DYNC2I1: variants seen among roughly 807,000 people sequenced by gnomAD.
DYNC2I1 encodes the protein cytoplasmic dynein 2 intermediate chain 1.
A neutral mutation model predicts 133.4 loss-of-function variants in DYNC2I1; 89 were observed. The observed-to-expected ratio is 0.67, with a 90% confidence interval of 0.56 to 0.80. The LOEUF is 0.80. Ranked by LOEUF, DYNC2I1 falls within the 30% of genes least tolerant of loss-of-function variation. The probability of loss-of-function intolerance (pLI) is 0.00; values close to 1 mark genes in which losing one functional copy is unlikely to be tolerated. For missense variants in DYNC2I1, 1,291 were observed against 1,314.5 expected, an observed-to-expected ratio of 0.98 and a Z score of 0.28; for synonymous variants, 504 against 484.3, an observed-to-expected ratio of 1.04 and a Z score of -0.54.
downstream of DYNC2I1, among the ~76,000 whole-genome samples, chr7:158,946,569 CCT>C (rs1225604405): frequency 6.6e-6 from 1 of 152,252 alleles, no homozygotes; most frequent in Admixed American, 6.5e-5. Context: ...GGGCCTTCAG[CCT>C]CTCTGCTGAC....
rs1841253992 is a variant in DYNC2I1 at position 158,856,626 on chromosome 7, G to C, written c.-110G>C. The C allele has an allele frequency of 1.8e-6, 2 of 1,140,396 alleles. No individual in the cohort carries two copies. The highest frequency in any genetic ancestry group is 2.2e-6 in the Non-Finnish European group (2 of 905,048). The allele number at this position is 1,140,396 out of a possible 1,614,324, so 70.6% of individuals were successfully genotyped here. A position where few individuals can be genotyped will look rare whatever the true frequency, so the allele number is the denominator to read the frequency against. On this transcript the variant is annotated 5_prime_UTR_variant, in exon 1 of 25. Transcript: ENST00000407559. The stretch of plus-strand genomic sequence containing the variant: ...TGCTGCTCCTGCTTGTCGGTTGCTA[G>C]GCGCTGGGACGCGCCTCCCGAAGGG...
intron 22 of DYNC2I1, 39 bp from the exon 23 acceptor site, chr7:158,934,379 A>G (rs1307807846): frequency 6.3e-7 from 1 of 1,594,692 alleles, no homozygotes; most frequent in Admixed American, 1.8e-5. Flanking sequence ...CTCGTGTGTA[A>G]TGCACTCGTT....
At chr7:158,926,375 C>T (rs376472148) in intron 18 of DYNC2I1, 27 bp from the exon 19 acceptor site, 2 of 1,607,066 alleles carry the variant, frequency 1.2e-6, no homozygotes, top group Non-Finnish European at 1.7e-6. Context: ...AAAGCCATTT[C>T]TTTCTTTTTG....
intron 14 of DYNC2I1, among the ~76,000 whole-genome samples, chr7:158,917,203 A>G (rs1585157288): frequency 7.0e-6 from 1 of 143,768 alleles, no homozygotes; most frequent in Non-Finnish European, 1.5e-5. Flanking sequence ...TGAAACGTCG[A>G]CACGCTGGTT....
chr7:158,881,748 C>T (rs1005999478), intron 5 of DYNC2I1, among the ~76,000 whole-genome samples: 2 of 152,258 alleles, frequency 1.3e-5, no homozygotes, highest in African/African-American at 2.4e-5. Context: ...CTACCGCGCC[C>T]GGCCATTTTT....
intron 4 of DYNC2I1, among the ~76,000 whole-genome samples, chr7:158,879,077 G>A (rs1323722426): frequency 6.6e-6 from 1 of 152,156 alleles, no homozygotes; most frequent in Non-Finnish European, 1.5e-5. Context: ...CATGTGGGGA[G>A]GCATTGCTTT....
At chr7:158,850,903 G>A in the DYNC2I1 span, among the ~76,000 whole-genome samples, 3 of 151,988 alleles carry the variant, frequency 2.0e-5, no homozygotes, top group Admixed American at 6.6e-5. Flanking sequence ...CTAACTTTAT[G>A]AGGAGCTGCT....
Position 158,911,128 on chromosome 7 carries a change from CCCAAAACACTTACTGGCTGCGTGGT to C in DYNC2I1, c.1461-419_1461-395del, listed in dbSNP as rs1847423000. On this transcript the variant is annotated intron_variant, in intron 11 of 24. Transcript: ENST00000407559. Reference sequence around the variant, plus strand: ...GGCTGTGGCCTGGAAAAGAGCGTGGCCCAAAACACTTACTGGCTGCGTGGTCCGACCATGGTGCAGGTGATTGCAT... The same window carrying C: ...GGCTGTGGCCTGGAAAAGAGCGTGGCCCGACCATGGTGCAGGTGATTGCAT... 2.0e-5 allele frequency among the ~76,000 whole-genome samples: 3 copies of C among 152,164 alleles called. No individual in the cohort carries two copies. The South Asian group carries it at 6.2e-4, about 31-fold the overall frequency.
intron 5 of DYNC2I1, among the ~76,000 whole-genome samples, chr7:158,884,190 G>A (rs900605106): frequency 7.9e-5 from 12 of 151,528 alleles, no homozygotes; most frequent in South Asian, 2.1e-4. Flanking sequence ...GACTACAGGC[G>A]CCCGCCACCA....
At chr7:158,946,385 A>C (rs917275854), downstream of DYNC2I1, among the ~76,000 whole-genome samples, 3 of 152,252 alleles carry the variant, frequency 2.0e-5, no homozygotes, top group Non-Finnish European at 2.9e-5. Flanking sequence ...TGCTGTTAAC[A>C]AAATGCCCTG....
chr7:158,882,945 T>C (rs1183306717), intron 5 of DYNC2I1, among the ~76,000 whole-genome samples: 1 of 151,838 alleles, frequency 6.6e-6, no homozygotes, highest in African/African-American at 2.4e-5. Flanking sequence ...GATCGAGCAT[T>C]GTATAATTAA....
In DYNC2I1 at chr7:158,911,658, T is replaced by C. The variant is rs752968322; in HGVS notation, c.1569T>C (p.Phe523=). The change falls in exon 12 of 25, where the codon TTT becomes TTC. Residue 523 remains phenylalanine, a synonymous_variant. Transcript: ENST00000407559. The part of the protein sequence containing the change: ...VNEYDMYIRN[F]GKKNTKQAYV... Reference sequence around the variant, plus strand: ...AATATGACATGTATATCAGAAACTTTGGGAAAAAAAATACCAAGCAGGTAA... The same window carrying C: ...AATATGACATGTATATCAGAAACTTCGGGAAAAAAAATACCAAGCAGGTAA... 4.4e-6 allele frequency: 7 copies of C among 1,605,952 alleles called. No individual in the cohort carries two copies. In the African/African-American group the frequency reaches 5.4e-5, roughly 12 times the overall value.
At chr7:158,938,793 G>A (rs965147151) in intron 23 of DYNC2I1, among the ~76,000 whole-genome samples, 7 of 151,876 alleles carry the variant, frequency 4.6e-5, no homozygotes, top group Non-Finnish European at 7.4e-5. Flanking sequence ...GCTAAAGGGA[G>A]TTCTTCAACC....
At chr7:158,946,984 G>A (rs545505230), downstream of DYNC2I1, among the ~76,000 whole-genome samples, 1 of 152,308 alleles carries the variant, frequency 6.6e-6, no homozygotes, top group South Asian at 2.1e-4. Context: ...CACGTCTCGC[G>A]TGGGCCTCTC....
chr7:158,853,395 G>T (rs77850102), upstream of DYNC2I1, among the ~76,000 whole-genome samples: 399 of 152,266 alleles, frequency 2.6e-3, 10 homozygotes, highest in East Asian at 0.062. Flanking sequence ...AGTCTGGTAA[G>T]AAGCATTTAC....
chr7:158,939,973 C>G (rs575339467), intron 23 of DYNC2I1, among the ~76,000 whole-genome samples: 6 of 152,200 alleles, frequency 3.9e-5, no homozygotes, highest in Non-Finnish European at 7.4e-5. Context: ...GTACCCAACA[C>G]CAGAGCTCCC....
At chr7:158,871,597 G>A (rs1249413771) in intron 3 of DYNC2I1, 35 bp downstream of exon 3, 31 of 1,492,638 alleles carry the variant, frequency 2.1e-5, no homozygotes, top group East Asian at 9.9e-5. Context: ...GGTTCCACCC[G>A]AGGTGCCGCG....
At chr7:158,856,839 T>G in intron 1 of DYNC2I1, 89 bp downstream of exon 1, 1 of 1,210,554 alleles carries the variant, frequency 8.3e-7, no homozygotes, top group East Asian at 3.2e-5. Flanking sequence ...CGCCCTCCCT[T>G]TGCGCAGCGG....
chr7:158,914,958 C>T (rs1847877545), intron 14 of DYNC2I1, among the ~76,000 whole-genome samples: 1 of 152,260 alleles, frequency 6.6e-6, no homozygotes, highest in South Asian at 2.1e-4. Flanking sequence ...TTGGCATTCA[C>T]ATTTCGCCAG....
Sources: allele counts gnomAD v4.1 joint callset (sites outside exome capture counted in the v4.1 genomes callset), GRCh38; gene constraint gnomAD v4.1.1; transcripts MANE v1.5; gene names NCBI Gene and HGNC (gene_info 2026-07-23, HGNC 2026-07-21).